The following JAKMIP2 variants were observed in gnomAD, a reference collection of about 807,000 sequenced individuals.
JAKMIP2 encodes janus kinase and microtubule-interacting protein 2.
JAKMIP2 carries 25 observed loss-of-function variants against 115.0 expected under a neutral mutation model. The ratio of observed to expected loss-of-function variants is 0.22; its 90% CI spans 0.16 to 0.30. The LOEUF (loss-of-function observed/expected upper bound fraction) is 0.30, where lower values mean the gene tolerates loss of function less well. Ranked by LOEUF, JAKMIP2 falls within the 10% of genes least tolerant of loss-of-function variation. The probability of loss-of-function intolerance (pLI) is 1.00; values close to 1 mark genes in which losing one functional copy is unlikely to be tolerated. For synonymous variants in JAKMIP2, 334 were observed against 343.6 expected (o/e 0.97, Z 0.31); for missense variants, 642 against 957.6 (o/e 0.67, Z 4.35).
chr5:147,746,804 A>G (rs1041306829), intron 1 of JAKMIP2, among the ~76,000 whole-genome samples: 5 of 152,328 alleles, frequency 3.3e-5, no homozygotes, highest in Non-Finnish European at 7.4e-5. Flanking sequence ...CACATATTTA[A>G]CTTTATAATT....
At chr5:147,598,493 T>G (rs1054418190) in intron 21 of JAKMIP2, among the ~76,000 whole-genome samples, 2 of 149,746 alleles carry the variant, frequency 1.3e-5, no homozygotes, top group African/African-American at 5.0e-5. Context: ...TATCTATCTA[T>G]GCTATTGGTT....
chr5:147,774,650 T>C (rs531595772), intron 1 of JAKMIP2, among the ~76,000 whole-genome samples: 1 of 152,080 alleles, frequency 6.6e-6, no homozygotes, highest in African/African-American at 2.4e-5. Context: ...TATGAGTAGG[T>C]TAAGGGCCTT....
intron 16 of JAKMIP2, among the ~76,000 whole-genome samples, chr5:147,625,128 C>T (rs192853684): frequency 5.9e-5 from 9 of 152,174 alleles, no homozygotes; most frequent in African/African-American, 1.7e-4. Context: ...TATAGGTGCA[C>T]GCCTCCATGC....
chr5:147,695,650 C>CTGTGTGTGTGTGTGTGTG (rs572202242), intron 1 of JAKMIP2, among the ~76,000 whole-genome samples: 21 of 142,904 alleles, frequency 1.5e-4, no homozygotes, highest in African/African-American at 5.2e-4. Context: ...AGTGAAAGGT[C>CTGTGTGTGTGTGTGTGTG]TGTGTGTGTG....
chr5:147,715,604 G>C (rs527422438), intron 1 of JAKMIP2, among the ~76,000 whole-genome samples: 2 of 151,328 alleles, frequency 1.3e-5, no homozygotes, highest in Admixed American at 1.3e-4. Flanking sequence ...ATTTCTCCTC[G>C]GAAGACATGC....
chr5:147,755,794 T>C (rs898637596), intron 1 of JAKMIP2, among the ~76,000 whole-genome samples: 2 of 152,164 alleles, frequency 1.3e-5, no homozygotes, highest in African/African-American at 4.8e-5. Flanking sequence ...GTTGGGACTA[T>C]TGGTCCATGC....
At chr5:147,642,317 A>G (rs1757917344) in intron 7 of JAKMIP2, among the ~76,000 whole-genome samples, 1 of 152,138 alleles carries the variant, frequency 6.6e-6, no homozygotes, top group Non-Finnish European at 1.5e-5. Context: ...GTTTTTAAAA[A>G]ATTTTCTGGG....
intron 3 of JAKMIP2, chr5:147,660,329 C>A: frequency 3.2e-6 from 1 of 315,018 alleles, no homozygotes; most frequent in South Asian, 2.8e-5. Context: ...AAACAACCTA[C>A]TTAGGGATGA....
intron 1 of JAKMIP2, among the ~76,000 whole-genome samples, chr5:147,703,867 TC>T (rs1752469161): frequency 6.6e-6 from 1 of 152,190 alleles, no homozygotes; most frequent in African/African-American, 2.4e-5. Context: ...CAATACATTT[TC>T]TTTTTTATAT....
At chr5:147,761,127 G>A (rs1170554736) in intron 1 of JAKMIP2, among the ~76,000 whole-genome samples, 4 of 151,930 alleles carry the variant, frequency 2.6e-5, no homozygotes, top group East Asian at 1.9e-4. Context: ...GTAAAGTAAC[G>A]GATTCTCAAA....
intron 1 of JAKMIP2, among the ~76,000 whole-genome samples, chr5:147,750,997 C>G (rs1754531235): frequency 6.6e-6 from 1 of 152,144 alleles, no homozygotes; most frequent in Non-Finnish European, 1.5e-5. Flanking sequence ...GAATCATCCA[C>G]TAACATTTGT....
intron 1 of JAKMIP2, among the ~76,000 whole-genome samples, chr5:147,699,606 A>G (rs919066022): frequency 1.3e-5 from 2 of 151,680 alleles, no homozygotes; most frequent in African/African-American, 4.8e-5. Flanking sequence ...TTTCTTGAAC[A>G]TCTTACTCAT....
At chr5:147,611,998 T>A in intron 20 of JAKMIP2, 1 of 477,736 alleles carries the variant, frequency 2.1e-6, no homozygotes, top group Non-Finnish European at 3.9e-6. Context: ...AAGAGCAAAG[T>A]AGGGTAACAA....
At chr5:147,750,701 G>C (rs958467835) in intron 1 of JAKMIP2, among the ~76,000 whole-genome samples, 2 of 152,086 alleles carry the variant, frequency 1.3e-5, no homozygotes, top group South Asian at 2.1e-4. Flanking sequence ...CGATCCCAAC[G>C]TGGCTGTATT....
intron 21 of JAKMIP2, among the ~76,000 whole-genome samples, chr5:147,600,087 G>GTTTTTT (rs369043130): frequency 4.4e-5 from 3 of 67,940 alleles, no homozygotes; most frequent in African/African-American, 1.9e-4. Flanking sequence ...TTTATTTACT[G>GTTTTTT]TTTTTTTTTT....
chr5:147,606,067 A>G (rs2126603521), intron 20 of JAKMIP2, among the ~76,000 whole-genome samples: 1 of 152,262 alleles, frequency 6.6e-6, no homozygotes, highest in Middle Eastern at 3.4e-3. Flanking sequence ...AGTTCCCTGT[A>G]GATTCTGGAT....
intron 1 of JAKMIP2, among the ~76,000 whole-genome samples, chr5:147,743,257 G>A (rs1012853822): frequency 8.5e-5 from 13 of 152,208 alleles, no homozygotes; most frequent in East Asian, 1.9e-4. Flanking sequence ...ACTCTCACAC[G>A]CATTATCTAA....
chr5:147,777,825 A>G (rs2127091139), intron 1 of JAKMIP2, among the ~76,000 whole-genome samples: 1 of 152,060 alleles, frequency 6.6e-6, no homozygotes, highest in Admixed American at 6.5e-5. Flanking sequence ...TTACACCAGT[A>G]TGTGCCTAGG....
At chr5:147,661,973 A>C (rs920632783) in intron 2 of JAKMIP2, 1 of 152,582 alleles carries the variant, frequency 6.6e-6, no homozygotes. Context: ...TCACAGTTTG[A>C]TATTGTGATA....
Sources: allele counts gnomAD v4.1 joint callset (sites outside exome capture counted in the v4.1 genomes callset), GRCh38; gene constraint gnomAD v4.1.1; transcripts MANE v1.5; gene names NCBI Gene and HGNC (gene_info 2026-07-23, HGNC 2026-07-21).